Variants in ARHGAP26 observed in about 807,000 individuals in gnomAD.
The protein encoded by ARHGAP26 is rho GTPase-activating protein 26.
In ARHGAP26, 38 loss-of-function variants were observed where a neutral mutation model predicts 104.8. The observed-to-expected ratio is 0.36, with a 90% CI of 0.28 to 0.48. The LOEUF (loss-of-function observed/expected upper bound fraction) is 0.48. Ranked by LOEUF, ARHGAP26 falls within the 20% of genes least tolerant of loss-of-function variation. The pLI is 0.99. For missense variants in ARHGAP26, 704 were observed against 947.9 expected, an observed-to-expected ratio of 0.74 and a Z score of 3.38; for synonymous variants, 341 against 340.0, an observed-to-expected ratio of 1.00 and a Z score of -0.03.
chr5:143,023,946 A>G (rs1358857990), intron 12 of ARHGAP26, among the ~76,000 whole-genome samples: 1 of 151,844 alleles, frequency 6.6e-6, no homozygotes, highest in Non-Finnish European at 1.5e-5. Flanking sequence ...CACCACTTTC[A>G]TCTTCTGAGC....
At chr5:143,069,378 A>G (rs246648) in intron 17 of ARHGAP26, among the ~76,000 whole-genome samples, 1,683 of 152,156 alleles carry the variant, frequency 0.011, 12 homozygotes, top group South Asian at 0.017. Flanking sequence ...GAATGAGTGG[A>G]AAATATCCAG....
chr5:143,019,183 A>G (rs1460988878), intron 12 of ARHGAP26, among the ~76,000 whole-genome samples: 1 of 152,204 alleles, frequency 6.6e-6, no homozygotes, highest in Non-Finnish European at 1.5e-5. Flanking sequence ...CTAATTTGTC[A>G]AACTCTTACC....
chr5:142,789,075 A>G (rs966114410), intron 1 of ARHGAP26, among the ~76,000 whole-genome samples: 1 of 152,208 alleles, frequency 6.6e-6, no homozygotes, highest in Non-Finnish European at 1.5e-5. Flanking sequence ...TATACTGCTG[A>G]CTATAAATTG....
rs764625988 is a variant in ARHGAP26, at chr5:142,932,072, T to C, written c.1054T>C (p.Leu352=). ...DRPGVITMQA[L]SEEDRRLWME... is the part of the protein sequence containing the mutation. Reference sequence around the variant, plus strand: ...GCCAGGGGTTATCACCATGCAAGCTTTGTCGGAAGAGGACCGGAGGCTCTG... The same window carrying C: ...GCCAGGGGTTATCACCATGCAAGCTCTGTCGGAAGAGGACCGGAGGCTCTG... The change falls in exon 11 of 23, where the codon TTG becomes CTG. Residue 352 remains leucine, a synonymous_variant. Transcript: ENST00000645722. 11 of 1,613,940 alleles carry C rather than the reference T, an allele frequency of 6.8e-6. No individual in the cohort carries two copies. The South Asian group carries it at 1.1e-4, about 16-fold the overall frequency.
intron 11 of ARHGAP26, among the ~76,000 whole-genome samples, chr5:143,007,067 A>C (rs1778080164): frequency 6.6e-6 from 1 of 151,926 alleles, no homozygotes; most frequent in African/African-American, 2.4e-5. Flanking sequence ...AAAATTAGCC[A>C]GGTGTGGCCT....
chr5:142,775,624 C>A (rs1756160009), intron 1 of ARHGAP26, among the ~76,000 whole-genome samples: 1 of 152,142 alleles, frequency 6.6e-6, no homozygotes, highest in Non-Finnish European at 1.5e-5. Flanking sequence ...TCCCATTAAA[C>A]AATAACTCCC....
At chr5:142,936,108 A>AACACAC (rs149919795) in intron 11 of ARHGAP26, among the ~76,000 whole-genome samples, 3,262 of 139,802 alleles carry the variant, frequency 0.023, 70 homozygotes, top group African/African-American at 0.054. Context: ...AATCCCAAGG[A>AACACAC]ACACACACAC....
chr5:142,886,200 A>G (rs551977973), intron 5 of ARHGAP26, among the ~76,000 whole-genome samples: 9 of 152,334 alleles, frequency 5.9e-5, no homozygotes, highest in African/African-American at 2.2e-4. Context: ...TATGTTTGCC[A>G]AAAGAGGCTA....
intron 14 of ARHGAP26, among the ~76,000 whole-genome samples, chr5:143,044,946 G>A (rs1784017271): frequency 6.6e-6 from 1 of 152,166 alleles, no homozygotes; most frequent in South Asian, 2.1e-4. Context: ...AACTTGATAT[G>A]GGGGAACAGA....
chr5:143,127,730 A>T (rs1346521614), intron 18 of ARHGAP26, among the ~76,000 whole-genome samples: 1 of 152,188 alleles, frequency 6.6e-6, no homozygotes, highest in Non-Finnish European at 1.5e-5. Context: ...TGACATTGAA[A>T]TCCATTGGAC....
chr5:143,125,186 A>G (rs776098659), intron 18 of ARHGAP26, among the ~76,000 whole-genome samples: 129 of 152,210 alleles, frequency 8.5e-4, no homozygotes, highest in African/African-American at 2.8e-3. Flanking sequence ...AAGGTAAGAG[A>G]CCTCTGTGTT....
At position 142,821,300 on chromosome 5, in the gene ARHGAP26, G is replaced by GT. The variant is rs71576157; in HGVS notation, c.154+50412dup. Among the ~76,000 whole-genome samples, 1,053 of 106,346 alleles carry GT rather than the reference G, an allele frequency of 9.9e-3. 17 individuals carry two copies. Among genetic ancestry groups the GT allele is most frequent in the South Asian group, 0.019 (53 of 2,858 alleles). 69.8% of individuals were successfully genotyped at this position (106,346 alleles called of 152,430 possible). Reference sequence around the variant, plus strand: ...TTGGCAGGCTTCCTAAGGTAGAGTGGTTTTTTTTTTTTTTTTTTTTTTTTT... The same window carrying GT: ...TTGGCAGGCTTCCTAAGGTAGAGTGGTTTTTTTTTTTTTTTTTTTTTTTTTT... On this transcript the variant is annotated intron_variant, in intron 1 of 22. Coordinates refer to ENST00000645722, the MANE Select transcript of ARHGAP26 (RefSeq NM_001135608.3).
intron 16 of ARHGAP26, among the ~76,000 whole-genome samples, chr5:143,056,671 T>C (rs994560339): frequency 6.6e-6 from 1 of 152,198 alleles, no homozygotes; most frequent in African/African-American, 2.4e-5. Flanking sequence ...CTGGAATCTC[T>C]GGCTACATGG....
Position 142,871,308 on chromosome 5 carries a change from G to A in ARHGAP26, c.155-2092G>A, listed in dbSNP as rs1755261946. On this transcript the variant is annotated intron_variant, in intron 1 of 22. Coordinates refer to ENST00000645722, the MANE Select transcript of ARHGAP26 (RefSeq NM_001135608.3). This position sits in a 1 kb window ranked among gnomAD's most constrained non-coding sequence, Gnocchi z 4.1. ...ACAAAGGCCCCGTTGTGCATGACCA[G>A]CCACTCCCTGATCCTCCTGGCAGCT... is the stretch of plus-strand genomic sequence containing the variant. 1.3e-5 allele frequency among the ~76,000 whole-genome samples: 2 copies of A among 152,214 alleles called. No homozygotes were observed. The highest frequency in any genetic ancestry group is 4.1e-4 in the South Asian group (2 of 4,824).
At chr5:142,858,029 G>T (rs1208848216) in intron 1 of ARHGAP26, among the ~76,000 whole-genome samples, 2 of 151,918 alleles carry the variant, frequency 1.3e-5, no homozygotes, top group East Asian at 3.9e-4. Flanking sequence ...GAGGGAGAGG[G>T]AGAGAGAAGG....
chr5:142,829,556 G>C (rs1767983266), intron 1 of ARHGAP26, among the ~76,000 whole-genome samples: 1 of 152,218 alleles, frequency 6.6e-6, no homozygotes, highest in African/African-American at 2.4e-5. Flanking sequence ...CATCACCATT[G>C]TGGAGAGGGT....
intron 11 of ARHGAP26, among the ~76,000 whole-genome samples, chr5:142,968,955 A>G (rs907222597): frequency 6.6e-6 from 1 of 152,230 alleles, no homozygotes; most frequent in Middle Eastern, 3.2e-3. Flanking sequence ...ATTTTCAGAC[A>G]GGGTCTTACT....
intron 19 of ARHGAP26, among the ~76,000 whole-genome samples, chr5:143,135,867 A>C (rs531161445): frequency 1.3e-5 from 2 of 152,322 alleles, no homozygotes; most frequent in Admixed American, 6.5e-5. Context: ...CCTTTTAAAT[A>C]TCTGGCTGGG....
intron 20 of ARHGAP26, among the ~76,000 whole-genome samples, chr5:143,147,767 C>T (rs1053369858): frequency 2.0e-5 from 3 of 152,152 alleles, no homozygotes; most frequent in African/African-American, 4.8e-5. Flanking sequence ...GTTTCCCTCC[C>T]CACTGACTAT....
Sources: gnomAD v4.1 joint callset for allele counts (sites outside exome capture counted in the v4.1 genomes callset) on GRCh38, gnomAD v4.1.1 for gene constraint, Gnocchi (gnomAD v3.1) non-coding constraint, MANE v1.5 for transcripts, NCBI Gene and HGNC (gene_info 2026-07-23, HGNC 2026-07-21) for gene names.